The following KLRG1 variants were observed in gnomAD, a reference collection of about 807,000 sequenced individuals.
KLRG1 encodes the protein killer cell lectin-like receptor subfamily G member 1.
In KLRG1, 16 loss-of-function variants were observed where a neutral mutation model predicts 21.8. The ratio of observed to expected loss-of-function variants is 0.73; its 90% CI spans 0.50 to 1.11. The LOEUF (loss-of-function observed/expected upper bound fraction) is 1.11. Ranked by LOEUF, KLRG1 falls within the 50% of genes most tolerant of loss-of-function variation. The pLI is 0.00. For missense variants in KLRG1, 173 were observed against 218.3 expected (o/e 0.79, Z 1.31); for synonymous variants, 69 against 75.9 (o/e 0.91, Z 0.47).
the KLRG1 span, chr12:9,168,529 T>G: frequency 0.61 from 120,944 of 198,366 alleles, 38,203 homozygotes; most frequent in East Asian, 0.83. Flanking sequence ...TCCTTCTTTA[T>G]GTTTTTTAAA....
At chr12:9,021,088 A>G in the KLRG1 span, among the ~76,000 whole-genome samples, 35,131 of 152,146 alleles carry the variant, frequency 0.23, 4,754 homozygotes, top group South Asian at 0.32. Context: ...AAAATACAGT[A>G]TAAAAGATAA....
At chr12:9,195,667 C>T in the KLRG1 span, among the ~76,000 whole-genome samples, 2 of 144,308 alleles carry the variant, frequency 1.4e-5, no homozygotes, top group South Asian at 2.2e-4. Flanking sequence ...TTACTAGGGC[C>T]GATCTAGAAC....
chr12:9,072,067 A>G, the KLRG1 span, among the ~76,000 whole-genome samples: 1 of 152,230 alleles, frequency 6.6e-6, no homozygotes, highest in African/African-American at 2.4e-5. Flanking sequence ...CAAGAATAAT[A>G]TAGGATTTCA....
the KLRG1 span, among the ~76,000 whole-genome samples, chr12:9,132,528 T>A: frequency 6.6e-6 from 1 of 151,990 alleles, no homozygotes; most frequent in Non-Finnish European, 1.5e-5. Context: ...GAGTTAGGCA[T>A]GAGAGAAACA....
chr12:9,102,883 A>G, the KLRG1 span, among the ~76,000 whole-genome samples: 2 of 152,228 alleles, frequency 1.3e-5, no homozygotes, highest in African/African-American at 2.4e-5. Context: ...TTAAAGCTAA[A>G]TAAATAAAAT....
chr12:9,133,755 A>G, the KLRG1 span, among the ~76,000 whole-genome samples: 15 of 152,240 alleles, frequency 9.9e-5, no homozygotes, highest in Non-Finnish European at 2.9e-5. Flanking sequence ...CTGACACATC[A>G]TCACCAAAGA....
the KLRG1 span, among the ~76,000 whole-genome samples, chr12:9,051,496 A>G: frequency 2.0e-5 from 3 of 152,134 alleles, no homozygotes; most frequent in Admixed American, 6.5e-5. Flanking sequence ...GAGAGGAGCA[A>G]TCCTCTCCAC....
At chr12:9,109,903 C>A in the KLRG1 span, 1 of 1,612,636 alleles carries the variant, frequency 6.2e-7, no homozygotes, top group Non-Finnish European at 8.5e-7. Context: ...TCTGTCCTTC[C>A]ACCTGATTTC....
At chr12:9,032,794 A>G in the KLRG1 span, among the ~76,000 whole-genome samples, 1 of 152,122 alleles carries the variant, frequency 6.6e-6, no homozygotes, top group African/African-American at 2.4e-5. Context: ...CAGACCTGCA[A>G]CTCATGAGTC....
the KLRG1 span, chr12:9,203,770 T>C: frequency 3.7e-6 from 6 of 1,613,972 alleles, no homozygotes; most frequent in Non-Finnish European, 2.5e-6. Flanking sequence ...GCACTCACAG[T>C]GAAGGAGACA....
the KLRG1 span, among the ~76,000 whole-genome samples, chr12:9,059,306 G>C: frequency 6.6e-6 from 1 of 151,968 alleles, no homozygotes; most frequent in Non-Finnish European, 1.5e-5. Context: ...TGACAGTTTT[G>C]GTTACCCATG....
chr12:9,070,418 T>C, the KLRG1 span: 1 of 997,564 alleles, frequency 1.0e-6, no homozygotes, highest in Admixed American at 2.0e-5. Context: ...TTGATATTAG[T>C]ATTGTCTTAT....
At chr12:9,131,454 C>G in the KLRG1 span, among the ~76,000 whole-genome samples, 38,635 of 151,868 alleles carry the variant, frequency 0.25, 5,645 homozygotes, top group Admixed American at 0.33. Flanking sequence ...TAATCAATCC[C>G]ATAGTGATAT....
chr12:9,184,562 T>C, the KLRG1 span, among the ~76,000 whole-genome samples: 1 of 152,212 alleles, frequency 6.6e-6, no homozygotes, highest in Non-Finnish European at 1.5e-5. Flanking sequence ...CTGATGAGCG[T>C]GTACCCCACC....
chr12:9,131,218 G>T, the KLRG1 span, among the ~76,000 whole-genome samples: 1 of 152,138 alleles, frequency 6.6e-6, no homozygotes, highest in African/African-American at 2.4e-5. Context: ...GGAAGTGTGA[G>T]TCTAATACCT....
Position 9,010,648 on chromosome 12 carries a change from T to A in KLRG1, c.*1111T>A, listed in dbSNP as rs928935189. On this transcript the variant is annotated 3_prime_UTR_variant, in exon 5 of 5. Transcript: ENST00000356986. ...TTCTCTTTATCTTTCATAGTTTTTT[T>A]AAAAACATGGACTGTATCTTATCTA... 1 of 152,238 alleles carries A rather than the reference T, an allele frequency of 6.6e-6. No homozygotes were observed. The highest frequency in any genetic ancestry group is 6.5e-5 in the Admixed American group (1 of 15,288). The allele number at this position is 152,238 out of a possible 1,614,324, so 9.4% of individuals were successfully genotyped here. A position where few individuals can be genotyped will look rare whatever the true frequency, so the allele number is the denominator to read the frequency against.
intron 3 of KLRG1, among the ~76,000 whole-genome samples, chr12:8,998,283 TGC>T (rs1326451749): frequency 4.6e-5 from 7 of 151,950 alleles, no homozygotes; most frequent in Non-Finnish European, 1.0e-4. Context: ...GAGCTGAGAC[TGC>T]ACCACTGCAC....
intron 1 of KLRG1, among the ~76,000 whole-genome samples, chr12:8,957,206 C>T (rs1946309669): frequency 6.6e-6 from 1 of 152,202 alleles, no homozygotes; most frequent in Non-Finnish European, 1.5e-5. Context: ...GGTAGTATTA[C>T]ATTTTATGAA....
At chr12:8,960,285 G>A (rs1244860020) in intron 1 of KLRG1, among the ~76,000 whole-genome samples, 1 of 152,144 alleles carries the variant, frequency 6.6e-6, no homozygotes, top group Admixed American at 6.5e-5. Flanking sequence ...CTAAGGCAAA[G>A]ACTAAGATTT....
Sources: allele counts gnomAD v4.1 joint callset (sites outside exome capture counted in the v4.1 genomes callset), GRCh38; gene constraint gnomAD v4.1.1; transcripts MANE v1.5; gene names NCBI Gene and HGNC (gene_info 2026-07-23, HGNC 2026-07-21).